The following ZFAND3 variants were observed in gnomAD, a reference collection of about 807,000 sequenced individuals.
ZFAND3 encodes the protein zinc finger AN1-type containing 3, also known as AN1-type zinc finger protein 3.
In ZFAND3, 10 loss-of-function variants were observed where a neutral mutation model predicts 29.6. The observed-to-expected ratio is 0.34, with a 90% CI of 0.21 to 0.57. ZFAND3 has a LOEUF of 0.57. Among genes scored for constraint, ZFAND3 ranks in the 20% least tolerant of loss-of-function variants. The pLI is 0.86. For missense variants in ZFAND3, 230 were observed against 304.5 expected (o/e 0.76, Z 1.82); for synonymous variants, 128 against 112.6 (o/e 1.14, Z -0.87).
At chr6:37,843,446 C>T (rs1394116311) in intron 1 of ZFAND3, among the ~76,000 whole-genome samples, 1 of 151,336 alleles carries the variant, frequency 6.6e-6, no homozygotes, top group Non-Finnish European at 1.5e-5. Flanking sequence ...GAGATCGTGC[C>T]ACTGCACTCC....
chr6:38,006,260 G>C (rs974633655), intron 2 of ZFAND3, among the ~76,000 whole-genome samples: 4 of 152,104 alleles, frequency 2.6e-5, no homozygotes, highest in African/African-American at 9.7e-5. Flanking sequence ...TTAATAACAG[G>C]ATATGTAAGT....
intron 2 of ZFAND3, among the ~76,000 whole-genome samples, chr6:37,935,706 G>A (rs1761686255): frequency 6.6e-6 from 1 of 152,168 alleles, no homozygotes; most frequent in Non-Finnish European, 1.5e-5. Flanking sequence ...ATGATTTTAA[G>A]TTTGAAACCC....
At chr6:38,082,804 TA>T (rs1192203433) in intron 4 of ZFAND3, among the ~76,000 whole-genome samples, 1 of 152,218 alleles carries the variant, frequency 6.6e-6, no homozygotes, top group Non-Finnish European at 1.5e-5. Context: ...TTAATAGTTT[TA>T]ATGTAGAAAA....
At chr6:37,926,914 T>C (rs1761495696) in intron 1 of ZFAND3, among the ~76,000 whole-genome samples, 1 of 152,248 alleles carries the variant, frequency 6.6e-6, no homozygotes, top group Admixed American at 6.5e-5. Flanking sequence ...CCCGGAAGTC[T>C]CTGCCAGTTC....
intron 2 of ZFAND3, among the ~76,000 whole-genome samples, chr6:37,983,185 T>C (rs1762608634): frequency 6.6e-6 from 1 of 152,002 alleles, no homozygotes; most frequent in Non-Finnish European, 1.5e-5. Context: ...AAAAAATATT[T>C]TAAACAATAA....
At chr6:37,976,118 AT>A (rs1466142246) in intron 2 of ZFAND3, among the ~76,000 whole-genome samples, 1 of 152,148 alleles carries the variant, frequency 6.6e-6, no homozygotes, top group Non-Finnish European at 1.5e-5. Context: ...AGAAGTTAAT[AT>A]TGTTGATGCT....
At chr6:38,098,901 G>T (rs543179308) in intron 4 of ZFAND3, among the ~76,000 whole-genome samples, 2 of 151,996 alleles carry the variant, frequency 1.3e-5, no homozygotes, top group East Asian at 3.9e-4. Flanking sequence ...TTTGTTTTTT[G>T]TTTTTTGTTT....
intron 1 of ZFAND3, among the ~76,000 whole-genome samples, chr6:37,841,777 C>T (rs1443221505): frequency 6.6e-6 from 1 of 152,166 alleles, no homozygotes; most frequent in Non-Finnish European, 1.5e-5. Context: ...GCCACCGTGC[C>T]CAGCCTGTTT....
intron 1 of ZFAND3, among the ~76,000 whole-genome samples, chr6:37,841,921 A>C (rs1040055590): frequency 6.6e-6 from 1 of 152,166 alleles, no homozygotes; most frequent in Non-Finnish European, 1.5e-5. Flanking sequence ...GGTAATTTAT[A>C]AACAGTGTAA....
At chr6:38,069,569 A>G (rs1320883807) in intron 3 of ZFAND3, among the ~76,000 whole-genome samples, 1 of 152,180 alleles carries the variant, frequency 6.6e-6, no homozygotes, top group Non-Finnish European at 1.5e-5. Context: ...TGGTTCTGCA[A>G]AGCATGCTGC....
At chr6:38,134,096 CTG>C (rs1171277904) in intron 5 of ZFAND3, among the ~76,000 whole-genome samples, 8 of 152,310 alleles carry the variant, frequency 5.3e-5, no homozygotes, top group Admixed American at 3.3e-4. Flanking sequence ...ATCCAGTGCA[CTG>C]TGTTTTGTTG....
At chr6:38,004,066 G>A (rs1474948805) in intron 2 of ZFAND3, among the ~76,000 whole-genome samples, 2 of 151,994 alleles carry the variant, frequency 1.3e-5, no homozygotes, top group Non-Finnish European at 2.9e-5. Context: ...AGCTATCCTG[G>A]GTCAGCTTTC....
chr6:38,101,599 C>T (rs1452608776), intron 4 of ZFAND3, among the ~76,000 whole-genome samples: 1 of 151,642 alleles, frequency 6.6e-6, no homozygotes, highest in African/African-American at 2.4e-5. Flanking sequence ...CATGGTGAAA[C>T]CCCATCTCTA....
chr6:37,864,383 T>G (rs1336599713), intron 1 of ZFAND3, among the ~76,000 whole-genome samples: 1 of 152,210 alleles, frequency 6.6e-6, no homozygotes, highest in African/African-American at 2.4e-5. Flanking sequence ...TCTCCATAAT[T>G]TCTTTCTACA....
chr6:38,020,393 A>T (rs2645142), intron 2 of ZFAND3, among the ~76,000 whole-genome samples: 3 of 152,156 alleles, frequency 2.0e-5, no homozygotes, highest in African/African-American at 7.2e-5. Flanking sequence ...GTTAAAAAAA[A>T]AAACATGTTT....
At chr6:37,830,094 T>C (rs1763833256) in intron 1 of ZFAND3, among the ~76,000 whole-genome samples, 2 of 152,200 alleles carry the variant, frequency 1.3e-5, no homozygotes, top group South Asian at 4.1e-4. Flanking sequence ...GATTTTTACA[T>C]TGTGTGTGTT....
intron 1 of ZFAND3, among the ~76,000 whole-genome samples, chr6:37,854,550 C>T (rs1233246296): frequency 1.3e-5 from 2 of 152,118 alleles, no homozygotes; most frequent in African/African-American, 2.4e-5. Flanking sequence ...ATTTATTGAG[C>T]ATTTTCTGTT....
chr6:37,839,244 G>A (rs926275405), intron 1 of ZFAND3, among the ~76,000 whole-genome samples: 3 of 151,364 alleles, frequency 2.0e-5, no homozygotes, highest in African/African-American at 7.3e-5. Context: ...GCAGTGGCGC[G>A]ATCTCAGCTC....
chr6:37,938,202 T>G (rs1410703141), intron 2 of ZFAND3, among the ~76,000 whole-genome samples: 2 of 152,248 alleles, frequency 1.3e-5, no homozygotes, highest in Non-Finnish European at 2.9e-5. Flanking sequence ...TAAATAATGC[T>G]TTTAGAAACT....
Sources: allele counts gnomAD v4.1 joint callset (sites outside exome capture counted in the v4.1 genomes callset), GRCh38; gene constraint gnomAD v4.1.1; transcripts MANE v1.5; gene names NCBI Gene and HGNC (gene_info 2026-07-23, HGNC 2026-07-21).